The following CNTN4 variants were observed in gnomAD, a reference collection of about 807,000 sequenced individuals.
CNTN4 encodes the protein contactin-4.
CNTN4 carries 77 observed loss-of-function variants against 122.5 expected under a neutral mutation model. The observed-to-expected ratio is 0.63, with a 90% CI of 0.52 to 0.76. The LOEUF (loss-of-function observed/expected upper bound fraction) is 0.76, where lower values mean the gene tolerates loss of function less well. Ranked by LOEUF, CNTN4 falls within the 30% of genes least tolerant of loss-of-function variation. The pLI is 0.00. For missense variants in CNTN4, 1,256 were observed against 1,259.1 expected, an observed-to-expected ratio of 1.00 and a Z score of 0.04; for synonymous variants, 512 against 447.0, an observed-to-expected ratio of 1.15 and a Z score of -1.83.
chr3:2,778,304 A>ATAAGAGAAAATCATGATACAATTGTTTT (rs2091431615), intron 6 of CNTN4, among the ~76,000 whole-genome samples: 1 of 149,090 alleles, frequency 6.7e-6, no homozygotes, highest in Non-Finnish European at 1.5e-5. Flanking sequence ...CCATGTATGT[A>ATAAGAGAAAATCATGATACAATTGTTTT]TAAGAGAAAA....
At chr3:3,029,718 C>G (rs1229395024) in intron 15 of CNTN4, among the ~76,000 whole-genome samples, 1 of 152,168 alleles carries the variant, frequency 6.6e-6, no homozygotes, top group Non-Finnish European at 1.5e-5. Context: ...TTTCTAGCTA[C>G]GTGACTTTAG....
chr3:2,546,352 C>T (rs1026396630), intron 3 of CNTN4, among the ~76,000 whole-genome samples: 2 of 151,186 alleles, frequency 1.3e-5, no homozygotes, highest in African/African-American at 4.9e-5. Context: ...AAGATAATGT[C>T]CTTTGCAGCA....
At chr3:3,056,026 C>T in intron 24 of CNTN4, 94 bp from the exon 25 acceptor site, 1 of 790,708 alleles carries the variant, frequency 1.3e-6, no homozygotes, top group Non-Finnish European at 2.2e-6. Context: ...CAGTAGAATC[C>T]ATGCAGTTCT....
intron 2 of CNTN4, among the ~76,000 whole-genome samples, chr3:2,120,649 T>C (rs2033710563): frequency 6.6e-6 from 1 of 151,620 alleles, no homozygotes; most frequent in African/African-American, 2.4e-5. Flanking sequence ...GTGATCTGCC[T>C]GTGTCGGCCT....
chr3:2,613,798 C>T (rs10510236), intron 4 of CNTN4, among the ~76,000 whole-genome samples: 59,762 of 151,758 alleles, frequency 0.39, 13,508 homozygotes, highest in Non-Finnish European at 0.52. Context: ...CTATAAAAGT[C>T]TGATCAACAG....
At chr3:2,269,415 A>T (rs1264895999) in intron 2 of CNTN4, among the ~76,000 whole-genome samples, 1 of 152,088 alleles carries the variant, frequency 6.6e-6, no homozygotes, top group East Asian at 1.9e-4. Context: ...TGTTTTGTTC[A>T]CTGTCCCAGA....
rs1457901593 is a variant in CNTN4, at chr3:3,026,292, C to T, written c.1662+15C>T. 2 of 1,608,298 alleles carry T rather than the reference C, an allele frequency of 1.2e-6. No homozygotes were observed. Among genetic ancestry groups the T allele is most frequent in the African/African-American group, 2.7e-5 (2 of 74,740 alleles). Reference sequence around the variant, plus strand: ...GAGTTGGAGGGGTAAGTATTAATAGCAAAAACTGACTCAAACTAACTTGTT... The same window carrying T: ...GAGTTGGAGGGGTAAGTATTAATAGTAAAAACTGACTCAAACTAACTTGTT... On this transcript the variant is annotated intron_variant, in intron 15 of 24. Transcript: ENST00000418658.
chr3:2,687,620 A>G (rs1576459393), intron 4 of CNTN4, among the ~76,000 whole-genome samples: 1 of 152,288 alleles, frequency 6.6e-6, no homozygotes, highest in East Asian at 1.9e-4. Flanking sequence ...ACTGCACTCC[A>G]CTCCGAACAA....
intron 2 of CNTN4, among the ~76,000 whole-genome samples, chr3:2,161,333 A>C (rs1239485404): frequency 6.6e-6 from 1 of 152,180 alleles, no homozygotes; most frequent in Non-Finnish European, 1.5e-5. Flanking sequence ...GGTTATACAC[A>C]GAAAAATATC....
chr3:2,915,853 T>C (rs1365327767), intron 12 of CNTN4, among the ~76,000 whole-genome samples: 2 of 152,218 alleles, frequency 1.3e-5, no homozygotes, highest in African/African-American at 2.4e-5. Context: ...GTACATACAA[T>C]GGACTATTAT....
intron 3 of CNTN4, among the ~76,000 whole-genome samples, chr3:2,556,848 G>A (rs1429776400): frequency 6.6e-6 from 1 of 152,124 alleles, no homozygotes; most frequent in African/African-American, 2.4e-5. Context: ...GGCTGCTATG[G>A]TTGTTGGTGG....
At chr3:2,885,393 G>A (rs1443457151) in intron 9 of CNTN4, among the ~76,000 whole-genome samples, 2 of 152,102 alleles carry the variant, frequency 1.3e-5, no homozygotes, top group Admixed American at 6.6e-5. Flanking sequence ...ACTATTTTAA[G>A]CGAAGTTTCC....
At position 3,056,475 on chromosome 3, in the gene CNTN4, T is replaced by C. The variant is rs138060063; in HGVS notation, c.*255T>C. On this transcript the variant is annotated 3_prime_UTR_variant, in exon 25 of 25. Transcript: ENST00000418658. ...TGATGTTACCAAAGCAGTTTACATATGTCCTTATATGCATATTTTTTATTA... is the reference window on the plus strand; with the variant it reads ...TGATGTTACCAAAGCAGTTTACATACGTCCTTATATGCATATTTTTTATTA... 1.7e-3 allele frequency: 488 copies of C among 295,552 alleles called. 5 individuals carry two copies. The highest frequency in any genetic ancestry group is 9.8e-3 in the African/African-American group (457 of 46,516). The allele number at this position is 295,552 out of a possible 1,614,324, so 18.3% of individuals were successfully genotyped here.
intron 4 of CNTN4, among the ~76,000 whole-genome samples, chr3:2,712,789 C>T (rs556305019): frequency 1.3e-5 from 2 of 152,254 alleles, no homozygotes; most frequent in African/African-American, 2.4e-5. Flanking sequence ...AGCTGATCAC[C>T]AGTGGTCACT....
chr3:2,736,176 G>A (rs751434014), intron 4 of CNTN4, 39 bp from the exon 5 acceptor site: 3 of 1,603,432 alleles, frequency 1.9e-6, no homozygotes, highest in South Asian at 1.1e-5. Flanking sequence ...CTATTTGGAA[G>A]GGATTCTTCA....
intron 7 of CNTN4, among the ~76,000 whole-genome samples, chr3:2,863,138 T>C (rs1049355733): frequency 1.3e-5 from 2 of 152,214 alleles, no homozygotes; most frequent in African/African-American, 4.8e-5. Context: ...ACATTCTCAT[T>C]ACATTATATT....
At position 2,122,201 on chromosome 3, in the gene CNTN4, T is replaced by C. The variant is rs2033846529; in HGVS notation, c.-145+21562T>C. On this transcript the variant is annotated intron_variant, in intron 2 of 24. Transcript: ENST00000418658. ...TTCTTTAAAGGTTATTTGTCTATGA[T>C]TGTGCATTTTAATAGTATGAAAGGG... Among the ~76,000 whole-genome samples the C allele has an allele frequency of 2.0e-5, 3 of 152,098 alleles. No individual in the cohort carries two copies. The South Asian group carries it at 6.3e-4, about 32-fold the overall frequency.
chr3:2,115,003 C>T (rs1055400903), intron 2 of CNTN4, among the ~76,000 whole-genome samples: 1 of 152,194 alleles, frequency 6.6e-6, no homozygotes, highest in Non-Finnish European at 1.5e-5. Flanking sequence ...GTTTCCTTTT[C>T]TAACAGCAAA....
intron 3 of CNTN4, among the ~76,000 whole-genome samples, chr3:2,531,592 C>T (rs928155757): frequency 6.6e-6 from 1 of 152,074 alleles, no homozygotes; most frequent in Non-Finnish European, 1.5e-5. Context: ...TAATGATTGC[C>T]ATTGGATGTC....
Sources: gnomAD v4.1 joint callset for allele counts (sites outside exome capture counted in the v4.1 genomes callset) on GRCh38, gnomAD v4.1.1 for gene constraint, MANE v1.5 for transcripts, NCBI Gene and HGNC (gene_info 2026-07-23, HGNC 2026-07-21) for gene names.